The following THOC1 variants were observed in gnomAD, a reference collection of about 807,000 sequenced individuals.
The protein encoded by THOC1 is THO complex subunit 1.
In THOC1, 29 loss-of-function variants were observed where a neutral mutation model predicts 97.3. That is an observed-to-expected ratio of 0.30 (90% confidence interval 0.22 to 0.41). The LOEUF is 0.41. THOC1 is among the 10% of genes least tolerant of loss of function. THOC1 has a pLI of 1.00. For missense variants in THOC1, 529 were observed against 761.9 expected (o/e 0.69, Z 3.60); for synonymous variants, 255 against 257.0 (o/e 0.99, Z 0.07).
intron 18 of THOC1, among the ~76,000 whole-genome samples, chr18:218,148 C>G (rs563969233): frequency 1.6e-4 from 24 of 152,296 alleles, no homozygotes; most frequent in Admixed American, 1.4e-3. Context: ...CTGTAGGGTT[C>G]AAAGTGCACT....
chr18:222,936 T>C (rs1271244821), intron 17 of THOC1, among the ~76,000 whole-genome samples: 2 of 151,894 alleles, frequency 1.3e-5, no homozygotes, highest in African/African-American at 4.8e-5. Context: ...CTATTATTTC[T>C]TTCTGCCATC....
At chr18:252,837 G>C (rs1912324596) in intron 8 of THOC1, among the ~76,000 whole-genome samples, 2 of 152,164 alleles carry the variant, frequency 1.3e-5, no homozygotes, top group South Asian at 4.2e-4. Flanking sequence ...CAGTCATGAA[G>C]ACAGTAGAAA....
intron 17 of THOC1, among the ~76,000 whole-genome samples, chr18:221,859 T>A (rs144836754): frequency 1.3e-5 from 2 of 152,198 alleles, no homozygotes; most frequent in African/African-American, 4.8e-5. Flanking sequence ...CCGCCCGCCT[T>A]GGCCTCCCAA....
chr18:247,907 T>A lies in THOC1; in HGVS notation c.728A>T (p.Asp243Val). The A allele has an allele frequency of 1.2e-6, 2 of 1,609,030 alleles. No individual in the cohort carries two copies. Among genetic ancestry groups the A allele is most frequent in the Non-Finnish European group, 1.7e-6 (2 of 1,178,774 alleles). Residue 243 changes from aspartate (D) to valine (V), a missense_variant, in exon 10 of 21, where the codon GAT becomes GTT. By Grantham distance (152) the Asp-to-Val change is radical (BLOSUM62 -3). Coordinates refer to ENST00000261600, the MANE Select transcript of THOC1 (RefSeq NM_005131.3). ...GCATTGCACAGGGTTCCTGAAGTAATCCTGAAGTGACCAGAATTTTCGATA... is the reference window on the plus strand; with the variant it reads ...GCATTGCACAGGGTTCCTGAAGTAAACCTGAAGTGACCAGAATTTTCGATA... Reference protein sequence around the residue: ...NLYRKFWSLQDYFRNPVQCYE... With the variant: ...NLYRKFWSLQVYFRNPVQCYE...
chr18:244,373 T>A (rs962615905), intron 11 of THOC1: 1 of 152,166 alleles, frequency 6.6e-6, no homozygotes, highest in African/African-American at 2.4e-5. Flanking sequence ...CCTTGAGTAG[T>A]TTTTTTCAAA....
chr18:246,916 CAAAAA>C (rs36101469), intron 10 of THOC1, among the ~76,000 whole-genome samples: 2 of 98,228 alleles, frequency 2.0e-5, no homozygotes, highest in African/African-American at 3.7e-5. Flanking sequence ...GGCTCCGTCT[CAAAAA>C]AAAAAAAAAA....
intron 11 of THOC1, among the ~76,000 whole-genome samples, chr18:240,758 A>G (rs1911868366): frequency 6.6e-6 from 1 of 152,322 alleles, no homozygotes; most frequent in Non-Finnish European, 1.5e-5. Context: ...CATTACATTT[A>G]TTGTGTACTT....
chr18:239,139 C>T (rs1385023272), intron 11 of THOC1, among the ~76,000 whole-genome samples: 1 of 152,106 alleles, frequency 6.6e-6, no homozygotes, highest in Non-Finnish European at 1.5e-5. Flanking sequence ...TTTCATAAAT[C>T]TCAGACAATA....
At chr18:236,814 G>C (rs1047491275) in intron 11 of THOC1, among the ~76,000 whole-genome samples, 1 of 152,182 alleles carries the variant, frequency 6.6e-6, no homozygotes, top group African/African-American at 2.4e-5. Context: ...GTGAGGTACA[G>C]TACACAAAAG....
intron 15 of THOC1, 134 bp downstream of exon 15, chr18:224,790 C>A: frequency 1.4e-6 from 1 of 735,080 alleles, no homozygotes; most frequent in Non-Finnish European, 2.2e-6. Context: ...TTACAAAGTT[C>A]AACTTACATT....
chr18:266,493 G>A (rs1598309819), intron 1 of THOC1, among the ~76,000 whole-genome samples: 1 of 151,324 alleles, frequency 6.6e-6, no homozygotes, highest in East Asian at 1.9e-4. Context: ...GAGAAACACT[G>A]AACTAGATGA....
Position 252,629 on chromosome 18 carries a change from A to T in THOC1, c.604-17T>A, listed in dbSNP as rs1475918850. ...TTCAGTGTGCTAAATTGAAAAAAAA[A>T]TGTATAGCCTGTCATGAAGCAGTCA... On this transcript the variant is annotated splice_polypyrimidine_tract_variant and intron_variant, in intron 8 of 20. Transcript: ENST00000261600. The T allele has an allele frequency of 1.3e-6, 2 of 1,587,074 alleles. No homozygotes were observed. The highest frequency in any genetic ancestry group is 2.7e-5 in the African/African-American group (2 of 73,846).
At chr18:227,921 C>G (rs2143180609) in intron 11 of THOC1, among the ~76,000 whole-genome samples, 1 of 151,496 alleles carries the variant, frequency 6.6e-6, no homozygotes. Flanking sequence ...ACTAGCAACC[C>G]CTTCCACACT....
Position 224,087 on chromosome 18 carries a change from C to T in THOC1, c.1301G>A (p.Gly434Glu). 2.5e-6 allele frequency: 4 copies of T among 1,598,980 alleles called. No homozygotes were observed. Among genetic ancestry groups the T allele is most frequent in the Non-Finnish European group, 3.4e-6 (4 of 1,169,812 alleles). The part of the protein sequence containing the change: ...GKGPTKKILM[G>E]NEELTRLWNL... Reference sequence around the variant, plus strand: ...ACATGAAGACAAATTCACCTACTTTCCCATCAGAATTTTTTTGGTGGGTCC... The same window carrying T: ...ACATGAAGACAAATTCACCTACTTTTCCATCAGAATTTTTTTGGTGGGTCC... The change falls in exon 16 of 21, where the codon GGA becomes GAA. Residue 434 changes from glycine (G) to glutamate (E), a missense_variant. Gly to Glu is a moderately conservative substitution (Grantham distance 98). Transcript: ENST00000261600.
At chr18:216,248 A>G in intron 19 of THOC1, 1 of 431,164 alleles carries the variant, frequency 2.3e-6, no homozygotes, top group Non-Finnish European at 4.1e-6. Flanking sequence ...CACCGCACCC[A>G]CAGCCCTGTT....
At position 220,828 on chromosome 18, in the gene THOC1, T is replaced by C. The variant is rs1354259665; in HGVS notation, c.1371-1859A>G. On this transcript the variant is annotated intron_variant, in intron 17 of 20. Coordinates refer to ENST00000261600, the MANE Select transcript of THOC1 (RefSeq NM_005131.3). ...TTGATCTTCTCTTTTGATTTTGTTA[T>C]CTTCTCTATTGTTTGTTGTCTATTT... 3.3e-5 allele frequency among the ~76,000 whole-genome samples: 5 copies of C among 152,188 alleles called. No individual in the cohort carries two copies. The East Asian group carries it at 5.8e-4, about 18-fold the overall frequency.
At chr18:215,548 G>T in intron 19 of THOC1, 44 bp from the exon 20 acceptor site, 2 of 1,496,468 alleles carry the variant, frequency 1.3e-6, no homozygotes, top group Non-Finnish European at 1.9e-6. Flanking sequence ...GCCAGCCTCT[G>T]AAGTAAGGTA....
At position 251,024 on chromosome 18, in the gene THOC1, T is replaced by C. The variant is rs142786369; in HGVS notation, c.677+1515A>G. Among the ~76,000 whole-genome samples, 104 of 152,266 alleles carry C rather than the reference T, an allele frequency of 6.8e-4. 1 individual carries two copies. Among genetic ancestry groups the C allele is most frequent in the Non-Finnish European group, 4.1e-4 (28 of 68,004 alleles). On this transcript the variant is annotated intron_variant, in intron 9 of 20. Coordinates refer to ENST00000261600, the MANE Select transcript of THOC1 (RefSeq NM_005131.3). ...AAAAAAAAATAATAACGATAACAAATAATAGCTACTAGACACTGAATAGAC... is the reference window on the plus strand; with the variant it reads ...AAAAAAAAATAATAACGATAACAAACAATAGCTACTAGACACTGAATAGAC...
chr18:215,717 A>C (rs1910857653), intron 19 of THOC1: 2 of 496,030 alleles, frequency 4.0e-6, no homozygotes, highest in Middle Eastern at 6.1e-4. Context: ...TCAGAGTTGG[A>C]AAGACTCCCC....
Sources: gnomAD v4.1 joint callset for allele counts (sites outside exome capture counted in the v4.1 genomes callset) on GRCh38, gnomAD v4.1.1 for gene constraint, MANE v1.5 for transcripts, NCBI Gene and HGNC (gene_info 2026-07-23, HGNC 2026-07-21) for gene names.